Variants in DPP6 observed in about 807,000 individuals in gnomAD.
DPP6 encodes the protein dipeptidyl peptidase like 6.
In DPP6, 69 loss-of-function variants were observed where a neutral mutation model predicts 122.6. The ratio of observed to expected loss-of-function variants is 0.56; its 90% CI spans 0.46 to 0.69. The LOEUF (loss-of-function observed/expected upper bound fraction) is 0.69. DPP6 is among the 30% of genes least tolerant of loss of function. The pLI, the probability that DPP6 is intolerant of heterozygous loss-of-function variation, is 0.00. For synonymous variants in DPP6, 418 were observed against 433.1 expected, an observed-to-expected ratio of 0.97 and a Z score of 0.43; for missense variants, 928 against 1,116.9, an observed-to-expected ratio of 0.83 and a Z score of 2.41.
the DPP6 span, among the ~76,000 whole-genome samples, chr7:153,760,948 C>T: frequency 6.6e-6 from 1 of 152,238 alleles, no homozygotes; most frequent in African/African-American, 2.4e-5. Flanking sequence ...CCCTTTAGCG[C>T]AAACTGTAGC....
chr7:154,668,361 C>T (rs1427716230), intron 6 of DPP6, among the ~76,000 whole-genome samples: 1 of 150,448 alleles, frequency 6.6e-6, no homozygotes, highest in Non-Finnish European at 1.5e-5. Flanking sequence ...GCTGGGACTA[C>T]AGGCACCCGC....
intron 1 of DPP6, among the ~76,000 whole-genome samples, chr7:153,893,103 G>A (rs1431590905): frequency 6.6e-6 from 1 of 152,196 alleles, no homozygotes; most frequent in Non-Finnish European, 1.5e-5. Context: ...GATCAGCACA[G>A]GATGTTTTAT....
intron 5 of DPP6, among the ~76,000 whole-genome samples, chr7:154,577,162 G>A (rs1831734844): frequency 6.6e-6 from 1 of 152,080 alleles, no homozygotes; most frequent in African/African-American, 2.4e-5. Context: ...TTTAGGAGGG[G>A]GACAGAGAGC....
At chr7:154,706,372 A>G (rs1199241287) in intron 7 of DPP6, among the ~76,000 whole-genome samples, 1 of 152,114 alleles carries the variant, frequency 6.6e-6, no homozygotes, top group Non-Finnish European at 1.5e-5. Flanking sequence ...TATGATTCTC[A>G]GGGCAGACCT....
intron 1 of DPP6, among the ~76,000 whole-genome samples, chr7:153,965,551 C>A (rs1181018297): frequency 6.6e-6 from 1 of 152,202 alleles, no homozygotes; most frequent in Middle Eastern, 3.4e-3. Context: ...CTCGCTGTGT[C>A]CCCCAGGTTG....
Position 154,892,585 on chromosome 7 carries a change from C to A in DPP6, c.*105C>A. 1 of 1,550,784 alleles carries A rather than the reference C, an allele frequency of 6.4e-7. No individual in the cohort carries two copies. Among genetic ancestry groups the A allele is most frequent in the South Asian group, 1.2e-5 (1 of 81,882 alleles). On this transcript the variant is annotated 3_prime_UTR_variant, in exon 26 of 26. Coordinates refer to ENST00000377770, the MANE Select transcript of DPP6 (RefSeq NM_130797.4). ...CTCGGAGGGGCGGGGCGGGGCGGGG[C>A]CGGGTGTTCCATAGCATGTGTGTCT...
intron 7 of DPP6, among the ~76,000 whole-genome samples, chr7:154,713,648 G>A (rs1586940216): frequency 6.6e-6 from 1 of 152,334 alleles, no homozygotes; most frequent in East Asian, 1.9e-4. Context: ...GGCTGGAGTG[G>A]CTGGGACACA....
At chr7:154,647,604 C>T (rs1451475000) in intron 6 of DPP6, among the ~76,000 whole-genome samples, 1 of 152,064 alleles carries the variant, frequency 6.6e-6, no homozygotes, top group Non-Finnish European at 1.5e-5. Flanking sequence ...TCACATGTGC[C>T]CTGGGCTCCC....
intron 7 of DPP6, among the ~76,000 whole-genome samples, chr7:154,711,819 C>G (rs1211410013): frequency 6.6e-6 from 1 of 152,074 alleles, no homozygotes; most frequent in East Asian, 1.9e-4. Context: ...TAATTAGCCC[C>G]CTCTTTAGCT....
At chr7:153,812,621 C>T in the DPP6 span, among the ~76,000 whole-genome samples, 3 of 152,124 alleles carry the variant, frequency 2.0e-5, no homozygotes, top group Non-Finnish European at 4.4e-5. Flanking sequence ...TGAGTCAAAG[C>T]TCTACGACTT....
chr7:154,260,137 A>C (rs190875546), intron 1 of DPP6, among the ~76,000 whole-genome samples: 1 of 152,080 alleles, frequency 6.6e-6, no homozygotes, highest in African/African-American at 2.4e-5. Context: ...AAAATCTGAC[A>C]TGTGGAGAGG....
intron 1 of DPP6, among the ~76,000 whole-genome samples, chr7:154,332,539 G>T (rs542740416): frequency 5.8e-4 from 88 of 152,350 alleles, no homozygotes; most frequent in Non-Finnish European, 1.0e-3. Context: ...AGCAACGTTT[G>T]GGGTCTTTGT....
intron 5 of DPP6, among the ~76,000 whole-genome samples, chr7:154,591,472 A>G (rs879445368): frequency 3.3e-5 from 5 of 152,156 alleles, no homozygotes; most frequent in Non-Finnish European, 7.3e-5. Flanking sequence ...TGCCAGGGAT[A>G]ATTATGGTAG....
chr7:154,620,866 A>G (rs1834601119), intron 5 of DPP6, among the ~76,000 whole-genome samples: 1 of 152,248 alleles, frequency 6.6e-6, no homozygotes, highest in Non-Finnish European at 1.5e-5. Flanking sequence ...ACTCACATTA[A>G]ATATGAAGCT....
chr7:154,757,765 C>T (rs528379081), intron 8 of DPP6, among the ~76,000 whole-genome samples: 1 of 152,298 alleles, frequency 6.6e-6, no homozygotes, highest in East Asian at 1.9e-4. Context: ...ACGGGAGGGG[C>T]ACGTTCAACA....
intron 1 of DPP6, among the ~76,000 whole-genome samples, chr7:153,974,258 C>T (rs1294136338): frequency 1.3e-5 from 2 of 152,142 alleles, no homozygotes; most frequent in Non-Finnish European, 2.9e-5. Context: ...AGACAGTGGG[C>T]TCATTCAGTG....
At chr7:153,799,249 T>C in the DPP6 span, among the ~76,000 whole-genome samples, 38 of 152,336 alleles carry the variant, frequency 2.5e-4, no homozygotes, top group Admixed American at 2.3e-3. Flanking sequence ...GTTTGACTCT[T>C]CCATGGTATC....
intron 12 of DPP6, among the ~76,000 whole-genome samples, chr7:154,797,421 T>C (rs894634197): frequency 6.6e-6 from 1 of 152,188 alleles, no homozygotes. Context: ...GGAATATTAT[T>C]CAGCCGTAAG....
intron 6 of DPP6, among the ~76,000 whole-genome samples, chr7:154,645,795 A>G (rs969278406): frequency 2.0e-5 from 3 of 151,986 alleles, no homozygotes; most frequent in Admixed American, 6.6e-5. Context: ...TTGGGATGCC[A>G]AGGCGGGTGG....
Sources: gnomAD v4.1 joint callset for allele counts (sites outside exome capture counted in the v4.1 genomes callset) on GRCh38, gnomAD v4.1.1 for gene constraint, MANE v1.5 for transcripts, NCBI Gene and HGNC (gene_info 2026-07-23, HGNC 2026-07-21) for gene names.